Variants in MYRFL observed in about 807,000 individuals in gnomAD.
The protein encoded by MYRFL is myelin regulatory factor like.
In MYRFL, 88 loss-of-function variants were observed where a neutral mutation model predicts 109.4. The ratio of observed to expected loss-of-function variants is 0.80; its 90% CI spans 0.68 to 0.96. The LOEUF (loss-of-function observed/expected upper bound fraction) is 0.96. Among genes scored for constraint, MYRFL ranks in the 40% least tolerant of loss-of-function variants. The probability of loss-of-function intolerance (pLI) is 0.00; values close to 1 mark genes in which losing one functional copy is unlikely to be tolerated. For missense variants in MYRFL, 957 were observed against 954.9 expected (o/e 1.00, Z -0.03); for synonymous variants, 324 against 320.9 (o/e 1.01, Z -0.10).
intron 21 of MYRFL, among the ~76,000 whole-genome samples, chr12:69,954,336 C>A (rs1338772843): frequency 6.6e-6 from 1 of 152,182 alleles, no homozygotes; most frequent in Non-Finnish European, 1.5e-5. Flanking sequence ...TTCCATTTAT[C>A]TAAGCTTCCC....
chr12:69,888,035 T>G (rs1886564335), intron 6 of MYRFL, among the ~76,000 whole-genome samples: 1 of 152,228 alleles, frequency 6.6e-6, no homozygotes, highest in Admixed American at 6.5e-5. Flanking sequence ...TAATTAAAAC[T>G]TAACTGCTTC....
At chr12:69,923,916 G>T (rs182330932) in intron 13 of MYRFL, among the ~76,000 whole-genome samples, 6 of 151,976 alleles carry the variant, frequency 3.9e-5, no homozygotes, top group African/African-American at 1.5e-4. Flanking sequence ...TGGGCCAGGC[G>T]CAGTGGCTCA....
chr12:69,862,511 A>G (rs908874726), intron 2 of MYRFL, among the ~76,000 whole-genome samples: 6 of 150,452 alleles, frequency 4.0e-5, no homozygotes, highest in African/African-American at 7.3e-5. Flanking sequence ...CTTTGAAGCA[A>G]TTGTGAATGG....
rs1385764007 is a variant in MYRFL at position 69,909,997 on chromosome 12, T to A, written c.1412T>A (p.Ile471Lys). The A allele has an allele frequency of 5.9e-6, 9 of 1,533,570 alleles. No individual in the cohort carries two copies. Among genetic ancestry groups the A allele is most frequent in the African/African-American group, 1.4e-5 (1 of 72,930 alleles). 95.0% of individuals were successfully genotyped at this position (1,533,570 alleles called of 1,614,324 possible). A position where few individuals can be genotyped will look rare whatever the true frequency, so the allele number is the denominator to read the frequency against. Reference sequence around the variant, plus strand: ...GACACGAATGAACAGCTGAAAAGAATAGCCCAAATGAGAATTGTTGAATAT... The same window carrying A: ...GACACGAATGAACAGCTGAAAAGAAAAGCCCAAATGAGAATTGTTGAATAT... ...EVDTNEQLKRIAQMRIVEYDY... is the reference protein window; with the variant it reads ...EVDTNEQLKRKAQMRIVEYDY... The change falls in exon 12 of 25, where the codon ATA becomes AAA. Residue 471 changes from isoleucine to lysine, a missense_variant. Physicochemically the swap from Ile to Lys is moderately radical, Grantham distance 102 (BLOSUM62 -3). Coordinates refer to ENST00000552032, the MANE Select transcript of MYRFL (RefSeq NM_182530.3).
At chr12:69,854,106 A>C (rs971318847) in intron 1 of MYRFL, among the ~76,000 whole-genome samples, 4 of 152,198 alleles carry the variant, frequency 2.6e-5, no homozygotes, top group Non-Finnish European at 5.9e-5. Flanking sequence ...GCACCTCGGG[A>C]GGCCGAGGCG....
chr12:69,944,658 C>T (rs1254156475), intron 19 of MYRFL, among the ~76,000 whole-genome samples: 1 of 151,328 alleles, frequency 6.6e-6, no homozygotes, highest in Non-Finnish European at 1.5e-5. Flanking sequence ...ACAATGTGCA[C>T]ATGTACCCTA....
rs1242770426 is a variant in MYRFL, at chr12:69,932,586, T to G, written c.1904T>G (p.Val635Gly). 6.5e-7 allele frequency: 1 copy of G among 1,535,788 alleles called. No individual in the cohort carries two copies. The highest frequency in any genetic ancestry group is 1.2e-5 in the South Asian group (1 of 84,054). ...FQTLVITLIA[V>G]MAFCALTIVA... Reference sequence around the variant, plus strand: ...ACCTTGGTTATAACTCTGATTGCTGTGATGGCATTTTGGTAAGAAAAAGTT... The same window carrying G: ...ACCTTGGTTATAACTCTGATTGCTGGGATGGCATTTTGGTAAGAAAAAGTT... Residue 635 changes from valine (V) to glycine (G), a missense_variant, in exon 16 of 25, where the codon GTG becomes GGG. Val to Gly is a moderately radical substitution (Grantham distance 109). Coordinates refer to ENST00000552032, the MANE Select transcript of MYRFL (RefSeq NM_182530.3).
chr12:69,830,590 A>G (rs1459975449), intron 1 of MYRFL, among the ~76,000 whole-genome samples: 2 of 151,928 alleles, frequency 1.3e-5, no homozygotes, highest in Non-Finnish European at 2.9e-5. Flanking sequence ...ACTTCCCAGG[A>G]GACTGGGAAC....
intron 13 of MYRFL, among the ~76,000 whole-genome samples, chr12:69,913,755 G>A (rs1954649701): frequency 2.0e-5 from 3 of 152,096 alleles, no homozygotes; most frequent in Admixed American, 6.6e-5. Context: ...GTTCTTGTTT[G>A]GGGGGATTTC....
chr12:69,923,793 A>T (rs1474504612), intron 13 of MYRFL, among the ~76,000 whole-genome samples: 1 of 152,176 alleles, frequency 6.6e-6, no homozygotes, highest in Admixed American at 6.5e-5. Flanking sequence ...TGTAAGGTTA[A>T]ACCAGAAACT....
intron 2 of MYRFL, among the ~76,000 whole-genome samples, chr12:69,872,651 C>T (rs1225463521): frequency 6.6e-6 from 1 of 152,038 alleles, no homozygotes; most frequent in Non-Finnish European, 1.5e-5. Flanking sequence ...CAGGTGTGCG[C>T]CACTGTGCCC....
At chr12:69,943,202 G>A (rs1181490641) in intron 19 of MYRFL, among the ~76,000 whole-genome samples, 5 of 151,476 alleles carry the variant, frequency 3.3e-5, no homozygotes, top group Non-Finnish European at 5.9e-5. Flanking sequence ...CATATGGAAC[G>A]AAAAAACAGC....
intron 19 of MYRFL, among the ~76,000 whole-genome samples, chr12:69,939,840 G>T (rs959466823): frequency 3.3e-5 from 5 of 152,246 alleles, no homozygotes; most frequent in African/African-American, 1.2e-4. Context: ...ATACAGAGAA[G>T]TGCTTAAAGG....
chr12:69,918,614 TC>T (rs925479296), intron 13 of MYRFL, among the ~76,000 whole-genome samples: 1 of 152,200 alleles, frequency 6.6e-6, no homozygotes, highest in Non-Finnish European at 1.5e-5. Flanking sequence ...CTCTGTATCC[TC>T]AACACCTGAC....
chr12:69,897,069 A>G (rs1052019444), intron 9 of MYRFL, 87 bp from the exon 10 acceptor site: 9 of 824,812 alleles, frequency 1.1e-5, no homozygotes, highest in Admixed American at 1.0e-4. Flanking sequence ...TAAGTTCACT[A>G]TTGATCAACT....
intron 2 of MYRFL, among the ~76,000 whole-genome samples, chr12:69,857,773 G>C (rs73337506): frequency 6.2e-4 from 94 of 151,370 alleles, no homozygotes; most frequent in African/African-American, 2.2e-3. Context: ...TATATTTCTT[G>C]GGATATTCTA....
chr12:69,939,843 C>T (rs1955587473), intron 19 of MYRFL, among the ~76,000 whole-genome samples: 1 of 151,976 alleles, frequency 6.6e-6, no homozygotes, highest in African/African-American at 2.4e-5. Flanking sequence ...CAGAGAAGTG[C>T]TTAAAGGAGC....
intron 13 of MYRFL, among the ~76,000 whole-genome samples, chr12:69,912,428 T>C (rs1325991618): frequency 1.3e-5 from 2 of 152,190 alleles, no homozygotes; most frequent in African/African-American, 4.8e-5. Context: ...CTTTTTCATA[T>C]TGTAAAACAA....
At chr12:69,879,662 A>G (rs979266108) in intron 4 of MYRFL, among the ~76,000 whole-genome samples, 1 of 152,170 alleles carries the variant, frequency 6.6e-6, no homozygotes, top group African/African-American at 2.4e-5. Context: ...TCCTCATTCA[A>G]CCAAAAGCTA....
Sources: allele counts gnomAD v4.1 joint callset (sites outside exome capture counted in the v4.1 genomes callset), GRCh38; gene constraint gnomAD v4.1.1; transcripts MANE v1.5; gene names NCBI Gene and HGNC (gene_info 2026-07-23, HGNC 2026-07-21).